Variants in LRCH1 observed in about 807,000 individuals in gnomAD.
LRCH1 encodes the protein leucine-rich repeat and calponin homology domain-containing protein 1.
Under a neutral mutation model 94.9 loss-of-function variants are expected in LRCH1, and 23 were observed. The observed-to-expected ratio is 0.24, with a 90% CI of 0.17 to 0.34. The LOEUF (loss-of-function observed/expected upper bound fraction) is 0.34. Ranked by LOEUF, LRCH1 falls within the 10% of genes least tolerant of loss-of-function variation. The pLI is 1.00. For synonymous variants in LRCH1, 364 were observed against 354.9 expected (o/e 1.03, Z -0.29); for missense variants, 790 against 945.9 (o/e 0.84, Z 2.16).
At chr13:46,643,969 T>C (rs1019634200) in intron 1 of LRCH1, among the ~76,000 whole-genome samples, 4 of 152,182 alleles carry the variant, frequency 2.6e-5, no homozygotes, top group African/African-American at 9.7e-5. Flanking sequence ...GTCGACTTTA[T>C]TTTGGTTGAA....
intron 1 of LRCH1, among the ~76,000 whole-genome samples, chr13:46,603,320 C>T (rs1255881554): frequency 6.6e-6 from 1 of 152,124 alleles, no homozygotes; most frequent in Non-Finnish European, 1.5e-5. Flanking sequence ...TGACTCAAGT[C>T]TTCCCTGAAA....
chr13:46,632,855 GT>G (rs1234583683), intron 1 of LRCH1, among the ~76,000 whole-genome samples: 1 of 152,130 alleles, frequency 6.6e-6, no homozygotes, highest in Non-Finnish European at 1.5e-5. Flanking sequence ...TAATATACCC[GT>G]TAAATATATT....
At chr13:46,722,709 G>T (rs1206077339) in intron 16 of LRCH1, among the ~76,000 whole-genome samples, 1 of 152,220 alleles carries the variant, frequency 6.6e-6, no homozygotes, top group Non-Finnish European at 1.5e-5. Context: ...CTAGAAGGCA[G>T]AATGTTTCCA....
chr13:46,606,422 T>A (rs905566108), intron 1 of LRCH1, among the ~76,000 whole-genome samples: 1 of 152,202 alleles, frequency 6.6e-6, no homozygotes, highest in Non-Finnish European at 1.5e-5. Flanking sequence ...TTCCTCATTG[T>A]CAGTTGTCAC....
chr13:46,666,231 G>A (rs1214803750), intron 2 of LRCH1, among the ~76,000 whole-genome samples: 16 of 152,196 alleles, frequency 1.1e-4, no homozygotes, highest in Non-Finnish European at 1.5e-5. Flanking sequence ...AGCTTTTAGT[G>A]TAAAAAGCAT....
At position 46,752,753 on chromosome 13, in the gene LRCH1, G is replaced by C. The variant is rs576859527; in HGVS notation, c.*2103G>C. The C allele has an allele frequency of 3.3e-5, 5 of 151,978 alleles. No homozygotes were observed. The South Asian group carries it at 1.0e-3, about 32-fold the overall frequency. The allele number at this position is 151,978 out of a possible 1,614,324, so 9.4% of individuals were successfully genotyped here. A position where few individuals can be genotyped will look rare whatever the true frequency, so the allele number is the denominator to read the frequency against. Reference sequence around the variant, plus strand: ...CATGAAGCTTTGTAATCATTGTTTTGAGAGATTTTTTTTTCAAAATTAAAG... The same window carrying C: ...CATGAAGCTTTGTAATCATTGTTTTCAGAGATTTTTTTTTCAAAATTAAAG... On this transcript the variant is annotated 3_prime_UTR_variant, in exon 19 of 19. Transcript: ENST00000311191.
chr13:46,621,340 T>C (rs2050877698), intron 1 of LRCH1, among the ~76,000 whole-genome samples: 2 of 152,292 alleles, frequency 1.3e-5, no homozygotes, highest in Admixed American at 1.3e-4. Context: ...TGGTAGGAAA[T>C]GCCATGCACA....
intron 1 of LRCH1, among the ~76,000 whole-genome samples, chr13:46,563,524 T>C (rs2050151121): frequency 6.6e-6 from 1 of 152,246 alleles, no homozygotes. Flanking sequence ...ATGTACCTAG[T>C]AGAGTTGTCA....
chr13:46,746,409 G>A (rs146833559), downstream of LRCH1, among the ~76,000 whole-genome samples: 583 of 152,244 alleles, frequency 3.8e-3, 8 homozygotes, highest in African/African-American at 0.011. Flanking sequence ...GGGGATATGG[G>A]TGAACCTAAC....
rs550374682 is a variant in LRCH1, at chr13:46,597,975, A to G, written c.307+44272A>G. Among the ~76,000 whole-genome samples the G allele has an allele frequency of 4.6e-5, 7 of 152,260 alleles. No individual in the cohort carries two copies. The South Asian group carries it at 1.0e-3, about 23-fold the overall frequency. ...CAACTTCATAGACAGAACTACCATC[A>G]TGAATAACAAGGATCACTGTGTGGG... On this transcript the variant is annotated intron_variant, in intron 1 of 19. Coordinates refer to ENST00000389797, the MANE Select transcript of LRCH1 (RefSeq NM_001164211.2).
At chr13:46,655,967 T>C (rs188861033) in intron 2 of LRCH1, among the ~76,000 whole-genome samples, 1 of 152,352 alleles carries the variant, frequency 6.6e-6, no homozygotes, top group Admixed American at 6.5e-5. Context: ...AAGCATTGCC[T>C]GTAAAGAACA....
intron 19 of LRCH1, among the ~76,000 whole-genome samples, chr13:46,735,385 G>T (rs953790254): frequency 2.0e-5 from 3 of 152,172 alleles, no homozygotes; most frequent in Non-Finnish European, 2.9e-5. Flanking sequence ...TAAATTATTT[G>T]TGTCTGTGCT....
At chr13:46,573,866 A>ATATATATATATATTTTT in intron 1 of LRCH1, among the ~76,000 whole-genome samples, 5 of 63,390 alleles carry the variant, frequency 7.9e-5, no homozygotes, top group African/African-American at 2.1e-4. Context: ...ATATATATAT[A>ATATATATATATATTTTT]TTTTTTTTTT....
At chr13:46,728,767 C>A in intron 17 of LRCH1, 80 bp from the exon 18 acceptor site, 1 of 1,325,758 alleles carries the variant, frequency 7.5e-7, no homozygotes, top group South Asian at 1.8e-5. Flanking sequence ...TGCCTCAGTT[C>A]ATAAATACCC....
chr13:46,679,286 CTT>C (rs891140534), intron 3 of LRCH1, among the ~76,000 whole-genome samples: 4 of 152,292 alleles, frequency 2.6e-5, no homozygotes, highest in South Asian at 2.1e-4. Flanking sequence ...TGTGAGGACT[CTT>C]TTAAAATAGG....
chr13:46,683,942 A>C (rs1870467378), intron 4 of LRCH1, among the ~76,000 whole-genome samples: 1 of 152,088 alleles, frequency 6.6e-6, no homozygotes, highest in Non-Finnish European at 1.5e-5. Flanking sequence ...AAATACTTTC[A>C]GTCAGTGACT....
chr13:46,685,722 T>G (rs1050703558), intron 4 of LRCH1, among the ~76,000 whole-genome samples, 183 bp from the exon 5 acceptor site: 1 of 152,224 alleles, frequency 6.6e-6, no homozygotes, highest in African/African-American at 2.4e-5. Flanking sequence ...ATAAAAGATT[T>G]TCCCTCTTTT....
chr13:46,673,839 G>A (rs899817462), intron 3 of LRCH1, among the ~76,000 whole-genome samples: 8 of 147,412 alleles, frequency 5.4e-5, no homozygotes, highest in East Asian at 4.0e-4. Context: ...AGAGTGCAGC[G>A]GCACAATCTC....
chr13:46,564,082 C>T lies in LRCH1; in HGVS notation c.307+10379C>T, dbSNP rs756459070. On this transcript the variant is annotated intron_variant, in intron 1 of 19. Coordinates refer to ENST00000389797, the MANE Select transcript of LRCH1 (RefSeq NM_001164211.2). ...CCTGGGGAGAATAAGATAAAGCTAA[C>T]GGTAGTTACAGATGAGACATGTTAG... 1.6e-4 allele frequency among the ~76,000 whole-genome samples: 25 copies of T among 152,100 alleles called. 1 individual carries two copies. Among genetic ancestry groups the T allele is most frequent in the Admixed American group, 1.3e-3 (20 of 15,274 alleles).
Sources: allele counts gnomAD v4.1 joint callset (sites outside exome capture counted in the v4.1 genomes callset), GRCh38; gene constraint gnomAD v4.1.1; transcripts MANE v1.5; gene names NCBI Gene and HGNC (gene_info 2026-07-23, HGNC 2026-07-21).